Variants in MGAT5 observed in about 807,000 individuals in gnomAD.
MGAT5 encodes alpha-1,6-mannosylglycoprotein 6-beta-N-acetylglucosaminyltransferase.
A neutral mutation model predicts 94.3 loss-of-function variants in MGAT5; 30 were observed. That is an observed-to-expected ratio of 0.32 (90% confidence interval 0.24 to 0.43). MGAT5 has a LOEUF of 0.43. Ranked by LOEUF, MGAT5 falls within the 20% of genes least tolerant of loss-of-function variation. The pLI is 1.00. For missense variants in MGAT5, 691 were observed against 905.5 expected (o/e 0.76, Z 3.04); for synonymous variants, 310 against 322.9 (o/e 0.96, Z 0.43).
rs1686534413 is a variant in MGAT5 at position 134,309,641 on chromosome 2, A to G, written c.407-7888A>G. Among the ~76,000 whole-genome samples the G allele has an allele frequency of 3.3e-5, 5 of 152,064 alleles. No individual in the cohort carries two copies. The South Asian group carries it at 1.0e-3, about 32-fold the overall frequency. On this transcript the variant is annotated intron_variant, in intron 2 of 15. Coordinates refer to ENST00000281923, the MANE Select transcript of MGAT5 (RefSeq NM_002410.5). ...TTCTTCCTATCATGTGTGTGCTCCT[A>G]GGTGTGTGAATAACCTTTTCCCTGG...
At chr2:134,123,996 A>C (rs1459521271) in intron 1 of MGAT5, among the ~76,000 whole-genome samples, 1 of 152,204 alleles carries the variant, frequency 6.6e-6, no homozygotes, top group Non-Finnish European at 1.5e-5. Flanking sequence ...AAAGTCTCTA[A>C]TCTAAGCCAT....
chr2:134,311,971 C>T (rs1187737521), intron 2 of MGAT5, among the ~76,000 whole-genome samples: 3 of 152,122 alleles, frequency 2.0e-5, no homozygotes, highest in South Asian at 2.1e-4. Flanking sequence ...TTCTCCAGGC[C>T]GGGTACAGTG....
intron 1 of MGAT5, among the ~76,000 whole-genome samples, chr2:134,258,130 G>A (rs943412910): frequency 4.7e-5 from 7 of 150,268 alleles, no homozygotes; most frequent in African/African-American, 4.9e-5. Flanking sequence ...AGCAGGGCTC[G>A]GTGAACTATG....
At chr2:134,448,507 G>C in intron 15 of MGAT5, 142 bp from the exon 16 acceptor site, 1 of 776,000 alleles carries the variant, frequency 1.3e-6, no homozygotes, top group Non-Finnish European at 2.3e-6. Context: ...AGACGAAGAG[G>C]GTGGGCACCA....
chr2:134,235,591 A>G (rs925593632), intron 1 of MGAT5, among the ~76,000 whole-genome samples: 1 of 152,088 alleles, frequency 6.6e-6, no homozygotes, highest in Non-Finnish European at 1.5e-5. Flanking sequence ...ACCCTGGGAA[A>G]AATCAGGGCA....
intron 2 of MGAT5, among the ~76,000 whole-genome samples, chr2:134,280,315 T>C (rs779231796): frequency 1.3e-5 from 2 of 152,192 alleles, no homozygotes; most frequent in Non-Finnish European, 2.9e-5. Context: ...CTCCTTCTTC[T>C]GTACTTCTTT....
chr2:134,369,206 T>C (rs1680628085), intron 10 of MGAT5, among the ~76,000 whole-genome samples: 1 of 152,210 alleles, frequency 6.6e-6, no homozygotes, highest in African/African-American at 2.4e-5. Flanking sequence ...GAACTTGGGA[T>C]ACAACTTGGA....
intron 1 of MGAT5, among the ~76,000 whole-genome samples, chr2:134,226,794 G>A (rs1681087926): frequency 6.6e-6 from 1 of 152,154 alleles, no homozygotes; most frequent in African/African-American, 2.4e-5. Context: ...TGCTCTTATG[G>A]GGTTTATGGT....
At chr2:134,250,359 C>T (rs1427881214), upstream of MGAT5, among the ~76,000 whole-genome samples, 3 of 152,172 alleles carry the variant, frequency 2.0e-5, no homozygotes, top group Middle Eastern at 3.2e-3. Flanking sequence ...AGGACACAGC[C>T]GTTAGAAGGT....
At chr2:134,215,856 C>G (rs1239901369) in intron 1 of MGAT5, among the ~76,000 whole-genome samples, 1 of 152,162 alleles carries the variant, frequency 6.6e-6, no homozygotes, top group Non-Finnish European at 1.5e-5. Context: ...CACTCACATC[C>G]TCTCCATGGT....
At chr2:134,318,473 A>C (rs117980837) in intron 3 of MGAT5, among the ~76,000 whole-genome samples, 177 bp from the exon 4 acceptor site, 7 of 152,120 alleles carry the variant, frequency 4.6e-5, no homozygotes, top group African/African-American at 1.7e-4. Context: ...TAATCGTCCA[A>C]GTAGGTGAGC....
At chr2:134,428,587 G>C (rs933026912) in intron 14 of MGAT5, 148 bp downstream of exon 14, 17 of 661,162 alleles carry the variant, frequency 2.6e-5, no homozygotes, top group African/African-American at 2.2e-4. Context: ...TAGTAGCACT[G>C]TCATGGTCAC....
chr2:134,167,052 G>A (rs1251317829), intron 1 of MGAT5, among the ~76,000 whole-genome samples: 1 of 152,144 alleles, frequency 6.6e-6, no homozygotes, highest in Non-Finnish European at 1.5e-5. Flanking sequence ...ACATTACGAG[G>A]AACACATTAT....
At chr2:134,296,256 A>G (rs571828384) in intron 2 of MGAT5, among the ~76,000 whole-genome samples, 15 of 152,292 alleles carry the variant, frequency 9.8e-5, no homozygotes, top group African/African-American at 3.4e-4. Context: ...CACAATTTTA[A>G]AAGTTATTAC....
At chr2:134,395,371 C>T (rs1293345556) in intron 10 of MGAT5, among the ~76,000 whole-genome samples, 1 of 152,076 alleles carries the variant, frequency 6.6e-6, no homozygotes, top group African/African-American at 2.4e-5. Context: ...TCCTGAAAAA[C>T]AAAAGTGCTG....
intron 4 of MGAT5, among the ~76,000 whole-genome samples, chr2:134,323,265 A>G (rs1433153050): frequency 1.3e-5 from 2 of 152,176 alleles, no homozygotes; most frequent in Non-Finnish European, 2.9e-5. Flanking sequence ...TGGTAGAGAT[A>G]AAAGCTGAGT....
chr2:134,389,089 G>A (rs889317994), intron 10 of MGAT5, among the ~76,000 whole-genome samples: 3 of 152,054 alleles, frequency 2.0e-5, no homozygotes, highest in African/African-American at 7.2e-5. Context: ...TTTTTGCAGG[G>A]CTACTTTATA....
chr2:134,280,638 C>T (rs1684633951), intron 2 of MGAT5, among the ~76,000 whole-genome samples: 1 of 152,254 alleles, frequency 6.6e-6, no homozygotes, highest in Admixed American at 6.5e-5. Context: ...CAGTGAAGGA[C>T]TTGTGCTAAT....
At chr2:134,156,623 T>C (rs1327031651) in intron 1 of MGAT5, among the ~76,000 whole-genome samples, 1 of 152,170 alleles carries the variant, frequency 6.6e-6, no homozygotes, top group Non-Finnish European at 1.5e-5. Flanking sequence ...CTAGACATGC[T>C]CCTTGTAAGG....
Sources: gnomAD v4.1 joint callset for allele counts (sites outside exome capture counted in the v4.1 genomes callset) on GRCh38, gnomAD v4.1.1 for gene constraint, MANE v1.5 for transcripts, NCBI Gene and HGNC (gene_info 2026-07-23, HGNC 2026-07-21) for gene names.